Variants in PPIP5K1 observed in about 807,000 individuals in gnomAD.
PPIP5K1 encodes inositol hexakisphosphate and diphosphoinositol-pentakisphosphate kinase 1.
In PPIP5K1, 6 loss-of-function variants were observed where a neutral mutation model predicts 27.7. That is an observed-to-expected ratio of 0.22 (90% CI 0.12 to 0.43). The LOEUF is 0.43. PPIP5K1 is among the 20% of genes least tolerant of loss of function. The probability of loss-of-function intolerance (pLI) is 1.00; values close to 1 mark genes in which losing one functional copy is unlikely to be tolerated. For missense variants in PPIP5K1, 394 were observed against 635.4 expected (o/e 0.62, Z 4.08); for synonymous variants, 145 against 242.6 (o/e 0.60, Z 3.74).
intron 30 of PPIP5K1, among the ~76,000 whole-genome samples, chr15:43,545,472 T>C (rs956984503): frequency 2.0e-5 from 3 of 150,146 alleles, no homozygotes; most frequent in Non-Finnish European, 4.4e-5. Flanking sequence ...CTCTGTACAC[T>C]TCTTTTTTTT....
At chr15:43,548,388 T>G (rs2140730538) in intron 30 of PPIP5K1, 1 of 151,968 alleles carries the variant, frequency 6.6e-6, no homozygotes, top group Admixed American at 6.6e-5. Context: ...ATTACAGGCA[T>G]GAGCCACCAC....
intron 30 of PPIP5K1, among the ~76,000 whole-genome samples, chr15:43,554,841 AT>A (rs1042654726): frequency 2.4e-4 from 35 of 148,752 alleles, no homozygotes; most frequent in African/African-American, 5.7e-4. Flanking sequence ...GTAAATAATA[AT>A]TTTTTTTTTT....
intron 30 of PPIP5K1, among the ~76,000 whole-genome samples, chr15:43,540,593 A>G (rs1311251108): frequency 1.3e-5 from 2 of 152,004 alleles, no homozygotes; most frequent in Non-Finnish European, 2.9e-5. Context: ...GCTATTTAGG[A>G]GGCTGAGGCA....
intron 30 of PPIP5K1, among the ~76,000 whole-genome samples, chr15:43,555,153 ATAAAT>A (rs2082773289): frequency 1.3e-5 from 2 of 152,162 alleles, no homozygotes; most frequent in South Asian, 4.2e-4. Flanking sequence ...AGTATAAACT[ATAAAT>A]TAATAAATTA....
intron 30 of PPIP5K1, among the ~76,000 whole-genome samples, chr15:43,541,285 T>G (rs1302845598): frequency 4.6e-5 from 7 of 152,136 alleles, no homozygotes; most frequent in Admixed American, 1.3e-4. Flanking sequence ...GCTAATTTTT[T>G]GTATTTTAGT....
intron 30 of PPIP5K1, among the ~76,000 whole-genome samples, chr15:43,547,230 C>A (rs1002027956): frequency 6.6e-6 from 1 of 152,100 alleles, no homozygotes; most frequent in Non-Finnish European, 1.5e-5. Context: ...TCCTTTGCTC[C>A]TTTTTAAACT....
Position 43,535,275 on chromosome 15 carries a change from A to G in PPIP5K1, c.3872T>C (p.Phe1291Ser). The change falls in exon 32 of 32, where the codon TTT becomes TCT. Residue 1291 changes from phenylalanine to serine, a missense_variant. By Grantham distance (155) the Phe-to-Ser change is radical. Around this residue, in one of 4 missense-constraint regions of PPIP5K1, gnomAD observed 379 missense variants for 423.9 expected, o/e 0.89. Coordinates refer to ENST00000420765, the MANE Select transcript of PPIP5K1 (RefSeq NM_001394395.1). ...ELSIEGEQEL[F>S]EPNQSPQVPP... Reference sequence around the variant, plus strand: ...CACCTGTGGGGACTGATTTGGTTCAAAAAGCTCTTGCTCCCCTTCTATGGA... The same window carrying G: ...CACCTGTGGGGACTGATTTGGTTCAGAAAGCTCTTGCTCCCCTTCTATGGA... 2 of 1,614,168 alleles carry G rather than the reference A, an allele frequency of 1.2e-6. No individual in the cohort carries two copies. The highest frequency in any genetic ancestry group is 8.5e-7 in the Non-Finnish European group (1 of 1,180,024).
chr15:43,549,625 C>T (rs530226368), intron 30 of PPIP5K1, among the ~76,000 whole-genome samples: 2 of 151,824 alleles, frequency 1.3e-5, no homozygotes, highest in African/African-American at 4.8e-5. Flanking sequence ...TGCACTCCAG[C>T]CTGGGCAACA....
At chr15:43,540,141 A>G (rs1190730154) in intron 30 of PPIP5K1, among the ~76,000 whole-genome samples, 2 of 152,098 alleles carry the variant, frequency 1.3e-5, no homozygotes, top group African/African-American at 4.8e-5. Flanking sequence ...AATCCCAGCT[A>G]TTTGGAAGGC....
At chr15:43,545,897 G>A (rs748518687) in intron 30 of PPIP5K1, among the ~76,000 whole-genome samples, 1 of 151,460 alleles carries the variant, frequency 6.6e-6, no homozygotes, top group African/African-American at 2.4e-5. Context: ...AAACATTTTC[G>A]TCACCCCAGA....
chr15:43,548,046 G>A (rs900149058), intron 30 of PPIP5K1, among the ~76,000 whole-genome samples: 6 of 151,896 alleles, frequency 4.0e-5, no homozygotes, highest in Non-Finnish European at 7.4e-5. Flanking sequence ...GTCTCACTTT[G>A]TCACCCAGGC....
intron 30 of PPIP5K1, among the ~76,000 whole-genome samples, chr15:43,550,579 C>T (rs1419684048): frequency 6.6e-6 from 1 of 151,958 alleles, no homozygotes; most frequent in African/African-American, 2.4e-5. Context: ...AACAGAAATA[C>T]TTTTATTTTT....
chr15:43,539,491 G>A lies in PPIP5K1; in HGVS notation c.3649C>T (p.Arg1217Cys), dbSNP rs202101760. The A allele has an allele frequency of 3.9e-5, 63 of 1,601,342 alleles. No homozygotes were observed. In the East Asian group the frequency reaches 7.1e-4, roughly 18 times the overall value. ...LHSPPLQLQQRSEKPPWYSSG... is the reference protein window; with the variant it reads ...LHSPPLQLQQCSEKPPWYSSG... The stretch of plus-strand genomic sequence containing the variant: ...TTACACCAAGGGGGCTTCTCAGAGC[G>A]CTGCTGGAGTTGCAGGGGAGGTGAA... The change falls in exon 31 of 32, where the codon CGC becomes TGC. Residue 1217 changes from arginine (R) to cysteine (C), a missense_variant. Coordinates refer to ENST00000420765, the MANE Select transcript of PPIP5K1 (RefSeq NM_001394395.1).
At chr15:43,547,161 C>A (rs1322743867) in intron 30 of PPIP5K1, among the ~76,000 whole-genome samples, 1 of 152,186 alleles carries the variant, frequency 6.6e-6, no homozygotes, top group African/African-American at 2.4e-5. Flanking sequence ...TGAGAGTTAG[C>A]ATCTTTTCAT....
At chr15:43,551,405 C>T (rs2082163015) in intron 30 of PPIP5K1, among the ~76,000 whole-genome samples, 1 of 150,810 alleles carries the variant, frequency 6.6e-6, no homozygotes, top group South Asian at 2.1e-4. Context: ...GTAATCCCAG[C>T]TACTTGGGAG....
At chr15:43,537,835 T>C (rs1197114289) in intron 31 of PPIP5K1, among the ~76,000 whole-genome samples, 2 of 149,856 alleles carry the variant, frequency 1.3e-5, no homozygotes, top group Admixed American at 6.8e-5. Context: ...GCTACACACC[T>C]GATACTGAGT....
intron 28 of PPIP5K1, among the ~76,000 whole-genome samples, chr15:43,562,939 AG>A (rs1480692611): frequency 1.4e-4 from 8 of 57,762 alleles, no homozygotes; most frequent in Admixed American, 1.1e-3. Flanking sequence ...AGCCAATAGG[AG>A]ATTAGCACGT....
At chr15:43,536,123 A>G (rs1313277580) in intron 31 of PPIP5K1, 1 of 1,286,322 alleles carries the variant, frequency 7.8e-7, no homozygotes, top group Non-Finnish European at 1.0e-6. Flanking sequence ...AATAGGAAAG[A>G]AAATGGTTTA....
Position 43,534,908 on chromosome 15 carries a change from C to T in PPIP5K1, c.4239G>A (p.Gly1413=). The change falls in exon 32 of 32, where the codon GGG becomes GGA. Residue 1413 remains glycine, a synonymous_variant. Coordinates refer to ENST00000420765, the MANE Select transcript of PPIP5K1 (RefSeq NM_001394395.1). ...GGGTTTCCTGGACCAAGCTACCAAC[C>T]CCTACATGGAACTTATGGACCAGCT... ...VGKLVHKFHV[G]VGSLVQETLV... 1 of 1,614,132 alleles carries T rather than the reference C, an allele frequency of 6.2e-7. No individual in the cohort carries two copies. The highest frequency in any genetic ancestry group is 1.1e-5 in the South Asian group (1 of 91,076).
Sources: allele counts gnomAD v4.1 joint callset (sites outside exome capture counted in the v4.1 genomes callset), GRCh38; gene constraint gnomAD v4.1.1; regional missense constraint gnomAD v4.1.1; transcripts MANE v1.5; gene names NCBI Gene and HGNC (gene_info 2026-07-23, HGNC 2026-07-21).